The following STK3 variants were observed in gnomAD, a reference collection of about 807,000 sequenced individuals.
STK3 encodes the protein serine/threonine kinase 3.
A neutral mutation model predicts 58.0 loss-of-function variants in STK3; 41 were observed. The observed-to-expected ratio is 0.71, with a 90% CI of 0.55 to 0.92. The LOEUF (loss-of-function observed/expected upper bound fraction) is 0.92. STK3 is among the 40% of genes least tolerant of loss of function. The pLI, the probability that STK3 is intolerant of heterozygous loss-of-function variation, is 0.00. For synonymous variants in STK3, 170 were observed against 191.0 expected, an observed-to-expected ratio of 0.89 and a Z score of 0.91; for missense variants, 479 against 602.7, an observed-to-expected ratio of 0.79 and a Z score of 2.15.
At chr8:98,620,425 C>G (rs1461682557) in intron 6 of STK3, among the ~76,000 whole-genome samples, 10 of 142,960 alleles carry the variant, frequency 7.0e-5, no homozygotes, top group African/African-American at 2.6e-4. Flanking sequence ...ATGTAACTAA[C>G]CTGCACAATG....
chr8:98,823,071 G>C (rs1184735883), intron 1 of STK3, among the ~76,000 whole-genome samples: 2 of 152,188 alleles, frequency 1.3e-5, no homozygotes, highest in Non-Finnish European at 2.9e-5. Flanking sequence ...CAATTCAAAA[G>C]TGAGGGTCAT....
chr8:98,412,007 C>T (rs1818062198), intron 3 of STK3, among the ~76,000 whole-genome samples: 3 of 152,170 alleles, frequency 2.0e-5, no homozygotes, highest in South Asian at 4.2e-4. Flanking sequence ...ATTCAAAAGG[C>T]CCCTCCAGTT....
chr8:98,869,053 AGG>A (rs1837257469), intron 3 of STK3, among the ~76,000 whole-genome samples: 6 of 149,674 alleles, frequency 4.0e-5, no homozygotes, highest in Non-Finnish European at 8.9e-5. Context: ...GAAGGAAGGA[AGG>A]AAGGAAGGAA....
At position 98,753,441 on chromosome 8, in the gene STK3, G is replaced by T. The variant is rs141740562; in HGVS notation, c.237-4051C>A. On this transcript the variant is annotated intron_variant, in intron 3 of 10. Coordinates refer to ENST00000419617, the MANE Select transcript of STK3 (RefSeq NM_006281.4). ...AATGATGAGGACACATGGACACACAGAGTGAACAACACACACTGGGGCCTA... is the reference window on the plus strand; with the variant it reads ...AATGATGAGGACACATGGACACACATAGTGAACAACACACACTGGGGCCTA... 1.0e-3 allele frequency among the ~76,000 whole-genome samples: 159 copies of T among 152,216 alleles called. 1 individual carries two copies. The highest frequency in any genetic ancestry group is 1.9e-3 in the Non-Finnish European group (129 of 67,994).
In STK3 at chr8:98,630,682, GAGA is replaced by G. The variant is rs1291915303; in HGVS notation, c.685-34516_685-34514del. Among the ~76,000 whole-genome samples the G allele has an allele frequency of 4.7e-5, 7 of 148,444 alleles. No individual in the cohort carries two copies. In the South Asian group the frequency reaches 1.3e-3, roughly 28 times the overall value. ...GGAGAAGGAGAAGGAGGAGAAGGAG[GAGA>G]AGGAGAAGAAGGAGGAGAAGGAGGA... On this transcript the variant is annotated intron_variant, in intron 6 of 10. Transcript: ENST00000419617.
intron 1 of STK3, among the ~76,000 whole-genome samples, chr8:98,801,585 C>T (rs567178615): frequency 1.3e-5 from 2 of 151,920 alleles, no homozygotes; most frequent in Non-Finnish European, 2.9e-5. Flanking sequence ...TAACAGTCAC[C>T]GCAACGGTCT....
At chr8:98,636,296 T>C (rs1183595744) in intron 6 of STK3, among the ~76,000 whole-genome samples, 1 of 152,148 alleles carries the variant, frequency 6.6e-6, no homozygotes, top group African/African-American at 2.4e-5. Flanking sequence ...AATTATACTA[T>C]ATAAGCAATT....
chr8:98,893,977 C>G (rs993614347), intron 1 of STK3, among the ~76,000 whole-genome samples: 1 of 152,234 alleles, frequency 6.6e-6, no homozygotes, highest in Non-Finnish European at 1.5e-5. Flanking sequence ...ACCCTTTTAC[C>G]TATAATCAGT....
intron 10 of STK3, among the ~76,000 whole-genome samples, chr8:98,510,496 A>T (rs544049555): frequency 6.6e-6 from 1 of 152,086 alleles, no homozygotes; most frequent in African/African-American, 2.4e-5. Context: ...CTGACTAATT[A>T]TGATTTATTC....
At chr8:98,463,685 A>T (rs1820193719) in intron 10 of STK3, among the ~76,000 whole-genome samples, 1 of 152,172 alleles carries the variant, frequency 6.6e-6, no homozygotes, top group Non-Finnish European at 1.5e-5. Context: ...AAGTGATAAA[A>T]CTTACTTCAT....
At chr8:98,506,320 T>C (rs753968140) in intron 10 of STK3, among the ~76,000 whole-genome samples, 5 of 152,164 alleles carry the variant, frequency 3.3e-5, no homozygotes, top group African/African-American at 4.8e-5. Flanking sequence ...TTCCCTTGGC[T>C]AGGAAAGGGA....
rs918327345 is a variant in STK3 at position 98,854,266 on chromosome 8, G to A, written c.110+29381C>T. ...TGATCCTCCTGCCTCAGCCTCCTAA[G>A]TAGCTGGGATTACAGGTGCCCACCA... On this transcript the variant is annotated intron_variant, in intron 3 of 12. Transcript: ENST00000523601. 2.0e-5 allele frequency among the ~76,000 whole-genome samples: 3 copies of A among 152,028 alleles called. No homozygotes were observed. The South Asian group carries it at 6.2e-4, about 31-fold the overall frequency.
chr8:98,926,292 C>T (rs1018336568), intron 1 of STK3, among the ~76,000 whole-genome samples: 2 of 152,094 alleles, frequency 1.3e-5, no homozygotes, highest in African/African-American at 4.8e-5. Context: ...TTTATCTGCT[C>T]TTTAGAAGTT....
chr8:98,608,664 G>T (rs1816948097), intron 6 of STK3, among the ~76,000 whole-genome samples: 1 of 152,160 alleles, frequency 6.6e-6, no homozygotes, highest in Non-Finnish European at 1.5e-5. Flanking sequence ...TTGGTAATGT[G>T]TCTCCATTCT....
chr8:98,830,934 C>T (rs1029395763), intron 3 of STK3, among the ~76,000 whole-genome samples: 8 of 137,484 alleles, frequency 5.8e-5, no homozygotes, highest in Non-Finnish European at 1.2e-4. Context: ...AGTGCCACTG[C>T]ACTCCAGCCT....
intron 10 of STK3, among the ~76,000 whole-genome samples, chr8:98,483,320 C>T (rs576572138): frequency 2.6e-4 from 39 of 152,268 alleles, no homozygotes; most frequent in African/African-American, 9.1e-4. Flanking sequence ...TTAGTGATGT[C>T]ACAGGATCTT....
rs781608825 is a variant in STK3 at position 98,707,201 on chromosome 8, G to T, written c.462C>A (p.Leu154=). 1 of 1,612,506 alleles carries T rather than the reference G, an allele frequency of 6.2e-7. No individual in the cohort carries two copies. Among genetic ancestry groups the T allele is most frequent in the East Asian group, 2.2e-5 (1 of 44,832 alleles). The change falls in exon 5 of 11, where the codon CTC becomes CTA. Residue 154 remains leucine (L), a synonymous_variant. Transcript: ENST00000419617. ...HRDIKAGNIL[L]NTEGHAKLAD... ...CCAATTTTGCATGTCCTTCTGTATTGAGGAGAATATTTCCAGCTTTTATAT... is the reference window on the plus strand; with the variant it reads ...CCAATTTTGCATGTCCTTCTGTATTTAGGAGAATATTTCCAGCTTTTATAT...
intron 6 of STK3, among the ~76,000 whole-genome samples, chr8:98,699,412 C>T (rs1367325874): frequency 2.0e-5 from 3 of 152,166 alleles, no homozygotes; most frequent in Admixed American, 6.5e-5. Context: ...TGAGGAGCTG[C>T]GTTCCTTTGG....
At chr8:98,897,486 T>G (rs980433248) in intron 1 of STK3, among the ~76,000 whole-genome samples, 1 of 151,426 alleles carries the variant, frequency 6.6e-6, no homozygotes, top group Non-Finnish European at 1.5e-5. Context: ...TGGCGTGAAC[T>G]CGGGAGGCTG....
Sources: gnomAD v4.1 joint callset for allele counts (sites outside exome capture counted in the v4.1 genomes callset) on GRCh38, gnomAD v4.1.1 for gene constraint, MANE v1.5 for transcripts, NCBI Gene and HGNC (gene_info 2026-07-23, HGNC 2026-07-21) for gene names.